The following MITF variants were observed in gnomAD, a reference collection of about 807,000 sequenced individuals.
MITF encodes the protein microphthalmia-associated transcription factor.
A neutral mutation model predicts 60.5 loss-of-function variants in MITF; 17 were observed. That is an observed-to-expected ratio of 0.28 (90% CI 0.19 to 0.42). MITF has a LOEUF of 0.42. MITF is among the 10% of genes least tolerant of loss of function. The probability of loss-of-function intolerance (pLI) is 1.00; values close to 1 mark genes in which losing one functional copy is unlikely to be tolerated. For synonymous variants in MITF, 260 were observed against 248.5 expected (o/e 1.05, Z -0.43); for missense variants, 622 against 683.5 (o/e 0.91, Z 1.00).
At chr3:69,962,526 A>C (rs2066575940) in intron 9 of MITF, among the ~76,000 whole-genome samples, 1 of 152,204 alleles carries the variant, frequency 6.6e-6, no homozygotes, top group Non-Finnish European at 1.5e-5. Flanking sequence ...TATGTTTCTC[A>C]GCTTGTGGGC....
chr3:69,873,642 A>G (rs920855480), intron 1 of MITF, among the ~76,000 whole-genome samples: 2 of 152,162 alleles, frequency 1.3e-5, no homozygotes, highest in South Asian at 2.1e-4. Context: ...TGCATTCAGT[A>G]TCAGAAGGAC....
intron 2 of MITF, among the ~76,000 whole-genome samples, chr3:69,879,695 C>T (rs1484809198): frequency 3.9e-5 from 6 of 152,094 alleles, no homozygotes; most frequent in Admixed American, 2.0e-4. Flanking sequence ...CTGAGGTGGG[C>T]CTCTTCTGAT....
chr3:69,766,120 A>C (rs960673578), intron 1 of MITF, among the ~76,000 whole-genome samples: 1 of 152,244 alleles, frequency 6.6e-6, no homozygotes, highest in African/African-American at 2.4e-5. Flanking sequence ...AGAATTGCAG[A>C]TATCATGAGA....
rs548911516 is a variant in MITF, at chr3:69,783,856, A to G, written c.104+44155A>G. Among the ~76,000 whole-genome samples the G allele has an allele frequency of 2.0e-5, 3 of 152,300 alleles. No individual in the cohort carries two copies. The South Asian group carries it at 6.2e-4, about 32-fold the overall frequency. ...CTCTACTGATTTGAGGTTTTCAGGA[A>G]TCTGCATGTCGCTCAGCTTCTTTGT... is the stretch of plus-strand genomic sequence containing the variant. On this transcript the variant is annotated intron_variant, in intron 1 of 9. Transcript: ENST00000352241.
chr3:69,748,635 C>T (rs2106760944), intron 1 of MITF, among the ~76,000 whole-genome samples: 1 of 152,282 alleles, frequency 6.6e-6, no homozygotes, highest in Non-Finnish European at 1.5e-5. Flanking sequence ...TGGTAGAATC[C>T]TGTCATATAA....
intron 2 of MITF, among the ~76,000 whole-genome samples, chr3:69,914,214 C>T (rs1043743341): frequency 1.5e-4 from 23 of 152,108 alleles, no homozygotes; most frequent in Non-Finnish European, 1.6e-4. Flanking sequence ...CTCTGCCTCC[C>T]GGGTTCAAGA....
At chr3:69,885,873 A>T (rs1408565346) in intron 2 of MITF, among the ~76,000 whole-genome samples, 2 of 152,040 alleles carry the variant, frequency 1.3e-5, no homozygotes, top group African/African-American at 4.8e-5. Flanking sequence ...CCCCAGGAAA[A>T]CTGTTATGAG....
chr3:69,943,711 G>T lies in MITF; in HGVS notation c.762+2380G>T, dbSNP rs186985015. On this transcript the variant is annotated intron_variant, in intron 5 of 9. Coordinates refer to ENST00000352241, the MANE Select transcript of MITF (RefSeq NM_001354604.2). Reference sequence around the variant, plus strand: ...AATAACTCTGTAAATTGCAGCATGGGTCCCAGTTTGCTTCATGGAGAACTT... The same window carrying T: ...AATAACTCTGTAAATTGCAGCATGGTTCCCAGTTTGCTTCATGGAGAACTT... Among the ~76,000 whole-genome samples the T allele has an allele frequency of 3.7e-3, 565 of 152,142 alleles. 2 individuals are homozygous for T. Among genetic ancestry groups the T allele is most frequent in the South Asian group, 0.021 (103 of 4,804 alleles).
chr3:69,943,484 C>T (rs2066019507), intron 5 of MITF, among the ~76,000 whole-genome samples: 1 of 152,056 alleles, frequency 6.6e-6, no homozygotes, highest in Admixed American at 6.6e-5. Context: ...CTTGGTAAAG[C>T]ATCTGTAGTA....
intron 1 of MITF, among the ~76,000 whole-genome samples, chr3:69,831,529 G>A (rs2063448008): frequency 6.6e-6 from 1 of 152,006 alleles, no homozygotes; most frequent in South Asian, 2.1e-4. Flanking sequence ...ACTAATCTGG[G>A]TCCTCAAGAC....
At chr3:69,901,093 T>C (rs2064986255) in intron 2 of MITF, among the ~76,000 whole-genome samples, 1 of 151,962 alleles carries the variant, frequency 6.6e-6, no homozygotes, top group Non-Finnish European at 1.5e-5. Flanking sequence ...AGTATAACCT[T>C]TTATATTTCC....
At chr3:69,950,475 TA>T (rs2066217647) in intron 6 of MITF, among the ~76,000 whole-genome samples, 1 of 143,876 alleles carries the variant, frequency 7.0e-6, no homozygotes, top group East Asian at 2.0e-4. Context: ...TATATATATA[TA>T]TGCACACACA....
chr3:69,914,772 C>A (rs1322076764), intron 2 of MITF, among the ~76,000 whole-genome samples: 2 of 152,158 alleles, frequency 1.3e-5, no homozygotes, highest in African/African-American at 4.8e-5. Flanking sequence ...GAAGAGGAAT[C>A]CTGAGCCTGA....
intron 1 of MITF, among the ~76,000 whole-genome samples, chr3:69,842,040 G>A (rs1217269319): frequency 6.6e-6 from 1 of 152,182 alleles, no homozygotes; most frequent in Non-Finnish European, 1.5e-5. Context: ...TGAATTAATA[G>A]TAAACATGAT....
chr3:69,959,377 A>G lies in MITF; in HGVS notation c.1136A>G (p.Lys379Arg). ...GCAAAAGAACTTGAAAACCGACAGA[A>G]GAAACTGGAGCACGCCAACCGGCAT... Reference protein sequence around the residue: ...QRAKELENRQKKLEHANRHLL... With the variant: ...QRAKELENRQRKLEHANRHLL... Residue 379 changes from lysine (K) to arginine (R), a missense_variant, in exon 9 of 10, where the codon AAG (lysine) becomes AGG (arginine). Around this residue, in one of 5 missense-constraint regions of MITF, gnomAD observed 224 missense variants for 209.5 expected, o/e 1.07. Coordinates refer to ENST00000352241, the MANE Select transcript of MITF (RefSeq NM_001354604.2). The G allele has an allele frequency of 6.2e-7, 1 of 1,614,000 alleles. No individual in the cohort carries two copies.
chr3:69,919,474 A>C (rs919322429), intron 2 of MITF, among the ~76,000 whole-genome samples: 1 of 152,214 alleles, frequency 6.6e-6, no homozygotes, highest in African/African-American at 2.4e-5. Flanking sequence ...TTGCCATTGA[A>C]GCATTAGGAT....
At chr3:69,918,917 T>C (rs2065399156) in intron 2 of MITF, among the ~76,000 whole-genome samples, 1 of 152,232 alleles carries the variant, frequency 6.6e-6, no homozygotes, top group Non-Finnish European at 1.5e-5. Flanking sequence ...TAAATAATCA[T>C]GTTCTATATT....
At chr3:69,860,422 C>T (rs2107208976) in intron 1 of MITF, among the ~76,000 whole-genome samples, 1 of 152,126 alleles carries the variant, frequency 6.6e-6, no homozygotes, top group South Asian at 2.1e-4. Flanking sequence ...GTGAAACCCC[C>T]CGTGTCTACT....
intron 1 of MITF, chr3:69,769,456 G>A (rs564757469): frequency 6.9e-5 from 9 of 130,224 alleles, no homozygotes; most frequent in Admixed American, 1.8e-4. Flanking sequence ...AAGTGTAGTC[G>A]TTGCTATGTG....
Sources: gnomAD v4.1 joint callset for allele counts (sites outside exome capture counted in the v4.1 genomes callset) on GRCh38, gnomAD v4.1.1 for gene constraint, gnomAD v4.1.1 regional missense constraint, MANE v1.5 for transcripts, NCBI Gene and HGNC (gene_info 2026-07-23, HGNC 2026-07-21) for gene names.